MYO18B: variants seen among roughly 807,000 people sequenced by gnomAD.
The protein encoded by MYO18B is myosin XVIIIB.
MYO18B carries 204 observed loss-of-function variants against 273.0 expected under a neutral mutation model. The ratio of observed to expected loss-of-function variants is 0.75; its 90% CI spans 0.67 to 0.84. The LOEUF (loss-of-function observed/expected upper bound fraction) is 0.84. MYO18B is among the 40% of genes least tolerant of loss of function. The probability of loss-of-function intolerance (pLI) is 0.00; values close to 1 mark genes in which losing one functional copy is unlikely to be tolerated. For missense variants in MYO18B, 3,212 were observed against 3,287.6 expected (o/e 0.98, Z 0.56); for synonymous variants, 1,330 against 1,305.7 (o/e 1.02, Z -0.40).
intron 17 of MYO18B, among the ~76,000 whole-genome samples, chr22:25,839,234 ATGAG>A (rs2090010817): frequency 6.6e-6 from 1 of 151,248 alleles, no homozygotes; most frequent in African/African-American, 2.4e-5. Context: ...GTATATATGT[ATGAG>A]TGTGTTTGTA....
At chr22:25,798,178 G>A (rs903123339) in intron 12 of MYO18B, 81 bp downstream of exon 12, 30 of 1,452,416 alleles carry the variant, frequency 2.1e-5, no homozygotes, top group South Asian at 9.8e-5. Context: ...CTCTCGGAGC[G>A]GTGGGAACAG....
At chr22:25,758,349 T>C (rs1305547594) in intron 1 of MYO18B, among the ~76,000 whole-genome samples, 1 of 145,552 alleles carries the variant, frequency 6.9e-6, no homozygotes, top group Non-Finnish European at 1.5e-5. Flanking sequence ...AAACATAAAA[T>C]TATTATACTA....
chr22:25,744,155 C>T (rs932823284), intron 1 of MYO18B, among the ~76,000 whole-genome samples: 4 of 152,164 alleles, frequency 2.6e-5, no homozygotes, highest in Non-Finnish European at 2.9e-5. Context: ...GGAAAACGTG[C>T]ACAGCACTTT....
chr22:26,004,697 T>C (rs1177334715), intron 41 of MYO18B, 21 bp from the exon 42 acceptor site: 3 of 1,612,740 alleles, frequency 1.9e-6, no homozygotes, highest in Non-Finnish European at 2.5e-6. Flanking sequence ...GTGCTGATGG[T>C]GTCCTGCAAT....
chr22:25,771,625 C>T (rs1249959707), intron 6 of MYO18B, among the ~76,000 whole-genome samples: 1 of 152,160 alleles, frequency 6.6e-6, no homozygotes, highest in African/African-American at 2.4e-5. Context: ...TCTGCTCCTC[C>T]TCTGCCCACC....
chr22:26,057,214 A>G, the MYO18B span, among the ~76,000 whole-genome samples: 4 of 151,102 alleles, frequency 2.6e-5, no homozygotes, highest in African/African-American at 2.4e-5. Flanking sequence ...CTGATCATCT[A>G]AAAAAAAAGG....
Position 26,026,595 on chromosome 22 carries a change from C to T in MYO18B, c.6621C>T (p.Asp2207=), listed in dbSNP as rs769775999. 2.7e-5 allele frequency: 43 copies of T among 1,613,742 alleles called. No individual in the cohort carries two copies. Among genetic ancestry groups the T allele is most frequent in the African/African-American group, 6.7e-5 (5 of 74,890 alleles). Residue 2207 remains aspartate, a synonymous_variant, in exon 43 of 44, where the codon GAC becomes GAT. Coordinates refer to ENST00000335473, the MANE Select transcript of MYO18B (RefSeq NM_032608.7). ...VRRQKYCHFG[D]GEVLAVQRKS... is the part of the protein sequence containing the mutation. Reference sequence around the variant, plus strand: ...GGCAAAAGTACTGTCATTTTGGGGACGGCGAAGTGCTTGCCGTCCAGAGAA... The same window carrying T: ...GGCAAAAGTACTGTCATTTTGGGGATGGCGAAGTGCTTGCCGTCCAGAGAA...
At chr22:25,988,420 C>A (rs191093151) in intron 39 of MYO18B, among the ~76,000 whole-genome samples, 2 of 152,002 alleles carry the variant, frequency 1.3e-5, no homozygotes, top group African/African-American at 2.4e-5. Context: ...ATGCAGAGGG[C>A]GGCAAGGGGG....
chr22:25,923,802 C>T (rs1428614315), intron 34 of MYO18B, among the ~76,000 whole-genome samples: 1 of 152,182 alleles, frequency 6.6e-6, no homozygotes, highest in Non-Finnish European at 1.5e-5. Context: ...TGCCACAGCA[C>T]CCAAGCTTCC....
intron 40 of MYO18B, among the ~76,000 whole-genome samples, chr22:25,994,132 C>T (rs965723293): frequency 7.9e-5 from 12 of 152,320 alleles, no homozygotes; most frequent in African/African-American, 2.2e-4. Context: ...ACGATGTCTG[C>T]GCTCAGCAGG....
intron 39 of MYO18B, 108 bp from the exon 40 acceptor site, chr22:25,992,255 G>A (rs886471401): frequency 3.2e-5 from 44 of 1,381,298 alleles, no homozygotes; most frequent in Non-Finnish European, 4.2e-5. Flanking sequence ...CTTCATAGGT[G>A]CTCAGTGAAC....
At chr22:25,765,689 A>T (rs1001921313) in intron 3 of MYO18B, among the ~76,000 whole-genome samples, 1 of 152,104 alleles carries the variant, frequency 6.6e-6, no homozygotes, top group African/African-American at 2.4e-5. Flanking sequence ...TCTATATGCT[A>T]AAAAGGGTGG....
intron 39 of MYO18B, among the ~76,000 whole-genome samples, chr22:25,973,249 C>T (rs1344879676): frequency 6.6e-6 from 1 of 152,132 alleles, no homozygotes; most frequent in Non-Finnish European, 1.5e-5. Flanking sequence ...TGAGAGCTTA[C>T]TCTTAAAAAT....
At chr22:25,822,599 T>C (rs1309888668) in intron 12 of MYO18B, among the ~76,000 whole-genome samples, 1 of 152,096 alleles carries the variant, frequency 6.6e-6, no homozygotes, top group East Asian at 1.9e-4. Flanking sequence ...AGATGGCTAG[T>C]TGGATGGTTG....
chr22:25,835,332 A>G lies in MYO18B; in HGVS notation c.3097A>G (p.Arg1033Gly), dbSNP rs371293865. The G allele has an allele frequency of 1.2e-6, 2 of 1,613,860 alleles. No homozygotes were observed. The highest frequency in any genetic ancestry group is 2.7e-5 in the African/African-American group (2 of 74,934). Reference protein sequence around the residue: ...LPAGGGAQDARGLFWVLDEEV... With the variant: ...LPAGGGAQDAGGLFWVLDEEV... ...AGCTGGAGGAGGTGCCCAGGATGCC[A>G]GAGGCCTTTTCTGGGTCTTAGATGA... The change falls in exon 17 of 44, where the codon AGA becomes GGA. Residue 1033 changes from arginine to glycine, a missense_variant. Physicochemically the swap from Arg to Gly is moderately radical, Grantham distance 125 (BLOSUM62 -2). Coordinates refer to ENST00000335473, the MANE Select transcript of MYO18B (RefSeq NM_032608.7).
intron 20 of MYO18B, among the ~76,000 whole-genome samples, chr22:25,848,046 C>T (rs2090312496): frequency 6.6e-6 from 1 of 152,030 alleles, no homozygotes; most frequent in Admixed American, 6.6e-5. Flanking sequence ...GTTGGCTGCA[C>T]CTGTTGAAAA....
chr22:25,783,301 A>T (rs1247699490), intron 10 of MYO18B, among the ~76,000 whole-genome samples: 1 of 152,180 alleles, frequency 6.6e-6, no homozygotes, highest in Non-Finnish European at 1.5e-5. Flanking sequence ...CTCCTGTAAA[A>T]TGGGTTCCTA....
intron 39 of MYO18B, among the ~76,000 whole-genome samples, chr22:25,981,409 A>G (rs765719949): frequency 1.4e-4 from 22 of 151,898 alleles, no homozygotes; most frequent in Non-Finnish European, 2.8e-4. Flanking sequence ...CAGTGTTTTC[A>G]CCTCCCATAC....
chr22:25,927,935 G>T (rs1199207432), intron 34 of MYO18B, among the ~76,000 whole-genome samples: 1 of 152,172 alleles, frequency 6.6e-6, no homozygotes, highest in Non-Finnish European at 1.5e-5. Context: ...ATTTTGCTTT[G>T]AGAGAGGAGC....
Sources: allele counts gnomAD v4.1 joint callset (sites outside exome capture counted in the v4.1 genomes callset), GRCh38; gene constraint gnomAD v4.1.1; transcripts MANE v1.5; gene names NCBI Gene and HGNC (gene_info 2026-07-23, HGNC 2026-07-21).